PACS2: variants seen among roughly 807,000 people sequenced by gnomAD.
The protein encoded by PACS2 is phosphofurin acidic cluster sorting protein 2.
A neutral mutation model predicts 113.0 loss-of-function variants in PACS2; 36 were observed. That is an observed-to-expected ratio of 0.32 (90% confidence interval 0.24 to 0.42). The LOEUF is 0.42. Ranked by LOEUF, PACS2 falls within the 10% of genes least tolerant of loss-of-function variation. The pLI is 1.00. For missense variants in PACS2, 1,015 were observed against 1,239.5 expected (o/e 0.82, Z 2.72); for synonymous variants, 589 against 536.1 (o/e 1.10, Z -1.36).
At chr14:105,327,915 G>A (rs1451644355) in intron 1 of PACS2, among the ~76,000 whole-genome samples, 1 of 148,604 alleles carries the variant, frequency 6.7e-6, no homozygotes. Flanking sequence ...CACCCGAGGG[G>A]CCATTGACAA....
chr14:105,390,887 C>T (rs1423477126), intron 20 of PACS2: 14 of 421,956 alleles, frequency 3.3e-5, no homozygotes, highest in Non-Finnish European at 4.3e-5. Flanking sequence ...CTATCCCCGT[C>T]GGCCCGCCAA....
intron 1 of PACS2, among the ~76,000 whole-genome samples, chr14:105,339,593 G>A (rs1331098825): frequency 6.6e-6 from 1 of 151,816 alleles, no homozygotes; most frequent in Non-Finnish European, 1.5e-5. Flanking sequence ...CACTTTGGGA[G>A]GCTGAAGGGA....
intron 4 of PACS2, among the ~76,000 whole-genome samples, chr14:105,359,740 C>T (rs1304778294): frequency 2.6e-5 from 4 of 151,964 alleles, no homozygotes; most frequent in African/African-American, 4.8e-5. Flanking sequence ...TACAGGCGCC[C>T]GCCACTACGC....
intron 7 of PACS2, among the ~76,000 whole-genome samples, chr14:105,369,354 G>T (rs1244700002): frequency 1.3e-5 from 2 of 152,222 alleles, no homozygotes; most frequent in African/African-American, 4.8e-5. Context: ...TGTAGGGTTG[G>T]TCCCCGAGAG....
chr14:105,383,525 GCCGTCCA>G lies in PACS2; in HGVS notation c.1780+15_1780+21del. ...GGTCATCCCACTGGGTGAGCACCAC[GCCGTCCA>G]CCTGGGCCTGGGCACAGATGCCACG... On this transcript the variant is annotated intron_variant, in intron 16 of 24. Coordinates refer to ENST00000447393, the MANE Select transcript of PACS2 (RefSeq NM_001100913.3). The G allele has an allele frequency of 6.4e-7, 1 of 1,574,226 alleles. No individual in the cohort carries two copies. Among genetic ancestry groups the G allele is most frequent in the Non-Finnish European group, 8.6e-7 (1 of 1,159,772 alleles).
intron 1 of PACS2, among the ~76,000 whole-genome samples, chr14:105,326,366 T>C (rs1339697440): frequency 6.6e-6 from 1 of 152,246 alleles, no homozygotes; most frequent in African/African-American, 2.4e-5. Context: ...CCAGACATCC[T>C]GCATCTTCCC....
Position 105,384,211 on chromosome 14 carries a change from C to G in PACS2, c.1781-142C>G, listed in dbSNP as rs587744430. On this transcript the variant is annotated intron_variant, in intron 16 of 24. Transcript: ENST00000447393. Reference sequence around the variant, plus strand: ...ACCAGGGAGGGGCAGTGGTGGCTTTCTCTTTCGGTGGCAGGAAAGTGGGCT... The same window carrying G: ...ACCAGGGAGGGGCAGTGGTGGCTTTGTCTTTCGGTGGCAGGAAAGTGGGCT... The G allele has an allele frequency of 8.0e-4, 483 of 602,364 alleles. 5 individuals carry two copies. The highest frequency in any genetic ancestry group is 5.4e-3 in the South Asian group (277 of 51,370). 37.3% of individuals were successfully genotyped at this position (602,364 alleles called of 1,614,324 possible). A position where few individuals can be genotyped will look rare whatever the true frequency, so the allele number is the denominator to read the frequency against.
intron 1 of PACS2, among the ~76,000 whole-genome samples, chr14:105,319,114 A>G (rs1466218345): frequency 7.1e-6 from 1 of 140,988 alleles, no homozygotes; most frequent in African/African-American, 2.7e-5. Context: ...CGCCCAGCTA[A>G]TTTCTGTATT....
intron 1 of PACS2, among the ~76,000 whole-genome samples, chr14:105,302,429 C>G (rs370629090): frequency 7.2e-5 from 11 of 151,950 alleles, no homozygotes; most frequent in African/African-American, 2.7e-4. Flanking sequence ...TCTTGAACTC[C>G]CGACCTCAGG....
In PACS2 at chr14:105,354,171, G is replaced by GT; in HGVS notation, c.298-881_298-880insT. ...TTTGCTCTTCTATTTAAAAAGATAGGGGAAACTCAGAGTTCACAAGCAATC... is the reference window on the plus strand; with the variant it reads ...TTTGCTCTTCTATTTAAAAAGATAGGTGGAAACTCAGAGTTCACAAGCAATC... On this transcript the variant is annotated intron_variant, in intron 3 of 24. Coordinates refer to ENST00000447393, the MANE Select transcript of PACS2 (RefSeq NM_001100913.3). This position sits in a 1 kb window ranked among gnomAD's most constrained non-coding sequence, Gnocchi z 4.2. Among the ~76,000 whole-genome samples, 1 of 152,118 alleles carries GT rather than the reference G, an allele frequency of 6.6e-6. No homozygotes were observed. Among genetic ancestry groups the GT allele is most frequent in the African/African-American group, 2.4e-5 (1 of 41,422 alleles).
intron 1 of PACS2, among the ~76,000 whole-genome samples, chr14:105,334,646 G>A (rs2059440741): frequency 1.3e-5 from 2 of 152,204 alleles, no homozygotes; most frequent in Admixed American, 6.5e-5. Flanking sequence ...CAGTGTGTGG[G>A]TAGAGCTCCA....
At chr14:105,389,931 G>C in intron 19 of PACS2, 30 bp from the exon 20 acceptor site, 1 of 1,607,408 alleles carries the variant, frequency 6.2e-7, no homozygotes, top group Non-Finnish European at 8.5e-7. Flanking sequence ...GCCCTGAGGA[G>C]AGCTTAACTG....
chr14:105,388,608 C>T (rs782040981), intron 19 of PACS2: 1 of 152,312 alleles, frequency 6.6e-6, no homozygotes, highest in Non-Finnish European at 1.5e-5. Context: ...ATGTTCTGCA[C>T]CTGGTGCCGG....
intron 1 of PACS2, among the ~76,000 whole-genome samples, chr14:105,334,584 C>G (rs1262674557): frequency 6.6e-6 from 1 of 151,468 alleles, no homozygotes; most frequent in African/African-American, 2.4e-5. Context: ...CCAGTATGTG[C>G]GTAGAGCTCC....
At position 105,319,724 on chromosome 14, in the gene PACS2, C is replaced by T. The variant is rs145972884; in HGVS notation, c.119+4687C>T. On this transcript the variant is annotated intron_variant, in intron 1 of 24. Coordinates refer to ENST00000447393, the MANE Select transcript of PACS2 (RefSeq NM_001100913.3). ...GTACAGTGTTGAATATGGTTGGTTG[C>T]GTGGATTACCCGTGTTCTGTCTTGA... 7.0e-3 allele frequency among the ~76,000 whole-genome samples: 1,064 copies of T among 152,258 alleles called. 20 individuals are homozygous for T. Among genetic ancestry groups the T allele is most frequent in the African/African-American group, 0.024 (1,001 of 41,532 alleles).
chr14:105,389,810 C>G, intron 19 of PACS2, 151 bp from the exon 20 acceptor site: 1 of 725,080 alleles, frequency 1.4e-6, no homozygotes, highest in East Asian at 2.5e-5. Flanking sequence ...TGGGTGGGGC[C>G]GGGACACACA....
At position 105,309,234 on chromosome 14, in the gene PACS2, A is replaced by G. The variant is rs760669844; in HGVS notation, c.-83+8255A>G. ...AAAGAAGTGTTAAAATTTATGCATC[A>G]AGGTCCCTCTTAATCTTGGGGCTCA... On this transcript the variant is annotated intron_variant, in intron 1 of 23. Coordinates refer to the PACS2 transcript ENST00000430725. This position sits in a 1 kb window ranked among gnomAD's most constrained non-coding sequence, Gnocchi z 4.0. 1.8e-4 allele frequency among the ~76,000 whole-genome samples: 27 copies of G among 152,160 alleles called. No homozygotes were observed. Among genetic ancestry groups the G allele is most frequent in the Non-Finnish European group, 3.2e-4 (22 of 68,028 alleles).
At chr14:105,311,483 G>C (rs1250719826), upstream of PACS2, among the ~76,000 whole-genome samples, 1 of 152,146 alleles carries the variant, frequency 6.6e-6, no homozygotes, top group East Asian at 1.9e-4. Flanking sequence ...TTGAACTCCT[G>C]AGGTCACGGG....
chr14:105,382,958 G>T, intron 15 of PACS2, 45 bp downstream of exon 15: 1 of 1,175,148 alleles, frequency 8.5e-7, no homozygotes, highest in East Asian at 2.4e-5. Context: ...GTACCCCTCG[G>T]GGTCCCTGCA....
Sources: allele counts gnomAD v4.1 joint callset (sites outside exome capture counted in the v4.1 genomes callset), GRCh38; gene constraint gnomAD v4.1.1; non-coding constraint Gnocchi (gnomAD v3.1); transcripts MANE v1.5; gene names NCBI Gene and HGNC (gene_info 2026-07-23, HGNC 2026-07-21).